Variants in SLC4A4 observed in about 807,000 individuals in gnomAD.
The protein encoded by SLC4A4 is solute carrier family 4 member 4.
A neutral mutation model predicts 111.5 loss-of-function variants in SLC4A4; 27 were observed. The ratio of observed to expected loss-of-function variants is 0.24; its 90% CI spans 0.18 to 0.33. The LOEUF (loss-of-function observed/expected upper bound fraction) is 0.33, where lower values mean the gene tolerates loss of function less well. Among genes scored for constraint, SLC4A4 ranks in the 10% least tolerant of loss-of-function variants. SLC4A4 has a pLI of 1.00. For synonymous variants in SLC4A4, 443 were observed against 463.4 expected, an observed-to-expected ratio of 0.96 and a Z score of 0.57; for missense variants, 909 against 1,315.5, an observed-to-expected ratio of 0.69 and a Z score of 4.78.
chr4:71,069,896 TA>T (rs1741622471), intron 1 of SLC4A4, among the ~76,000 whole-genome samples: 1 of 152,174 alleles, frequency 6.6e-6, no homozygotes, highest in South Asian at 2.1e-4. Flanking sequence ...AGTTTTTTTT[TA>T]GAGTTGATAT....
intron 16 of SLC4A4, among the ~76,000 whole-genome samples, chr4:71,526,367 C>CT (rs1383278838): frequency 6.6e-6 from 1 of 152,028 alleles, no homozygotes; most frequent in African/African-American, 2.4e-5. Context: ...GTTATGCAGA[C>CT]TATATCACCC....
intron 1 of SLC4A4, among the ~76,000 whole-genome samples, chr4:71,201,451 C>T (rs1435568127): frequency 2.6e-5 from 4 of 152,202 alleles, no homozygotes; most frequent in African/African-American, 7.2e-5. Context: ...GCTGGGGAAG[C>T]ACCTCTGTTC....
chr4:71,337,615 C>A (rs1441386645), intron 3 of SLC4A4, among the ~76,000 whole-genome samples: 3 of 151,950 alleles, frequency 2.0e-5, no homozygotes, highest in Non-Finnish European at 4.4e-5. Flanking sequence ...ATTTCTAGTA[C>A]AAGAATTGTT....
chr4:71,369,176 G>A (rs777962777), intron 6 of SLC4A4, among the ~76,000 whole-genome samples: 7 of 152,208 alleles, frequency 4.6e-5, no homozygotes, highest in African/African-American at 9.7e-5. Context: ...GGAAGGTGGC[G>A]GTGGTCGGGA....
chr4:71,305,377 T>C (rs552231835), intron 3 of SLC4A4, among the ~76,000 whole-genome samples: 1 of 152,340 alleles, frequency 6.6e-6, no homozygotes, highest in Non-Finnish European at 1.5e-5. Context: ...AAAGATTCAA[T>C]TGCAACTGTC....
At chr4:71,567,696 A>T in intron 25 of SLC4A4, 92 bp from the exon 26 acceptor site, 2 of 588,808 alleles carry the variant, frequency 3.4e-6, no homozygotes, top group Non-Finnish European at 6.0e-6. Flanking sequence ...ACAAAGAAGG[A>T]CACATTTGAC....
intron 16 of SLC4A4, among the ~76,000 whole-genome samples, chr4:71,531,412 T>A (rs548501458): frequency 2.0e-5 from 3 of 152,234 alleles, no homozygotes; most frequent in African/African-American, 7.2e-5. Flanking sequence ...TAACCTGGAT[T>A]GAGAAATATT....
chr4:71,481,620 G>T (rs1157267066), intron 14 of SLC4A4, among the ~76,000 whole-genome samples: 1 of 151,744 alleles, frequency 6.6e-6, no homozygotes. Flanking sequence ...TGCTAAGCTT[G>T]TGGGAGTTAT....
Position 71,418,012 on chromosome 4 carries a change from A to G in SLC4A4, c.807+20359A>G, listed in dbSNP as rs114975099. 9.0e-3 allele frequency among the ~76,000 whole-genome samples: 1,376 copies of G among 152,304 alleles called. 25 individuals carry two copies. The highest frequency in any genetic ancestry group is 0.032 in the African/African-American group (1,326 of 41,560). ...TGTAAGAATTCCAGTAACATAGTAC[A>G]TATGAAAGTGTTTTAAAAACTGTAA... On this transcript the variant is annotated intron_variant, in intron 7 of 25. Coordinates refer to ENST00000264485, the MANE Select transcript of SLC4A4 (RefSeq NM_001098484.3).
chr4:71,315,487 C>G (rs145404235), intron 3 of SLC4A4, among the ~76,000 whole-genome samples: 2 of 152,206 alleles, frequency 1.3e-5, no homozygotes, highest in East Asian at 3.9e-4. Flanking sequence ...CAGGTCAAGC[C>G]ATTGCCAAGC....
At chr4:71,369,047 C>T (rs1731599632) in intron 6 of SLC4A4, among the ~76,000 whole-genome samples, 1 of 152,196 alleles carries the variant, frequency 6.6e-6, no homozygotes. Flanking sequence ...CTAAAGTGCG[C>T]AGCCCGCTTG....
At chr4:71,450,226 C>G (rs1725629817) in intron 9 of SLC4A4, among the ~76,000 whole-genome samples, 163 bp from the exon 10 acceptor site, 2 of 152,102 alleles carry the variant, frequency 1.3e-5, no homozygotes, top group African/African-American at 4.8e-5. Flanking sequence ...AATCTGAATG[C>G]CTATATTTTC....
chr4:71,438,644 C>A (rs527817862), intron 7 of SLC4A4, among the ~76,000 whole-genome samples: 1 of 152,114 alleles, frequency 6.6e-6, no homozygotes, highest in Non-Finnish European at 1.5e-5. Flanking sequence ...TGCAATCATT[C>A]GATAACTAGT....
chr4:71,328,473 T>C (rs1318814213), intron 3 of SLC4A4, among the ~76,000 whole-genome samples: 1 of 152,098 alleles, frequency 6.6e-6, no homozygotes, highest in Non-Finnish European at 1.5e-5. Flanking sequence ...CTCCACATCC[T>C]TGCCAGCATT....
At chr4:71,331,592 GA>G (rs1727997554) in intron 3 of SLC4A4, among the ~76,000 whole-genome samples, 1 of 136,784 alleles carries the variant, frequency 7.3e-6, no homozygotes, top group Non-Finnish European at 1.6e-5. Flanking sequence ...GGGGTTGGGG[GA>G]GGGGGGAGGG....
chr4:71,398,191 A>G (rs1053149656), intron 7 of SLC4A4, among the ~76,000 whole-genome samples: 7 of 151,628 alleles, frequency 4.6e-5, no homozygotes, highest in African/African-American at 1.7e-4. Flanking sequence ...AGGCTGAAGC[A>G]TGAGAATCGC....
chr4:71,208,408 G>T (rs1430665532), intron 1 of SLC4A4, among the ~76,000 whole-genome samples: 1 of 148,858 alleles, frequency 6.7e-6, no homozygotes, highest in East Asian at 2.0e-4. Context: ...TCCAGCCTGG[G>T]CGACAGGGTG....
rs1746271970 is a variant in SLC4A4 at position 71,201,871 on chromosome 4, CTGA to C, written c.-2+14477_-2+14479del. ...AAGAAAGATGCAAAAGAAGTGATTA[CTGA>C]TGATGACATTTGAAGGATTTGGACA... On this transcript the variant is annotated intron_variant, in intron 1 of 25. Coordinates refer to ENST00000264485, the MANE Select transcript of SLC4A4 (RefSeq NM_001098484.3). Among the ~76,000 whole-genome samples the C allele has an allele frequency of 2.0e-5, 3 of 152,270 alleles. No individual in the cohort carries two copies. The South Asian group carries it at 6.2e-4, about 32-fold the overall frequency.
intron 2 of SLC4A4, among the ~76,000 whole-genome samples, chr4:71,176,760 G>A (rs1229113497): frequency 2.6e-5 from 4 of 152,234 alleles, no homozygotes; most frequent in East Asian, 3.9e-4. Flanking sequence ...ACTCTGCAGG[G>A]TATTATCCAG....
Sources: gnomAD v4.1 joint callset for allele counts (sites outside exome capture counted in the v4.1 genomes callset) on GRCh38, gnomAD v4.1.1 for gene constraint, MANE v1.5 for transcripts, NCBI Gene and HGNC (gene_info 2026-07-23, HGNC 2026-07-21) for gene names.